CACNG2: variants seen among roughly 807,000 people sequenced by gnomAD.
CACNG2 encodes the protein voltage-dependent calcium channel gamma-2 subunit.
Under a neutral mutation model 25.9 loss-of-function variants are expected in CACNG2, and 3 were observed. The observed-to-expected ratio is 0.12, with a 90% CI of 0.05 to 0.30. The LOEUF is 0.30. Among genes scored for constraint, CACNG2 ranks in the 10% least tolerant of loss-of-function variants. CACNG2 has a pLI of 1.00. For synonymous variants in CACNG2, 167 were observed against 173.3 expected (o/e 0.96, Z 0.29); for missense variants, 341 against 432.5 (o/e 0.79, Z 1.88).
At chr22:36,583,181 G>A (rs902722792) in intron 2 of CACNG2, among the ~76,000 whole-genome samples, 4 of 143,402 alleles carry the variant, frequency 2.8e-5, no homozygotes, top group African/African-American at 5.2e-5. Context: ...ACACCTATTC[G>A]CAGCACTTTG....
chr22:36,623,984 C>T (rs1936145799), intron 1 of CACNG2, among the ~76,000 whole-genome samples: 1 of 152,110 alleles, frequency 6.6e-6, no homozygotes, highest in South Asian at 2.1e-4. Flanking sequence ...TCTTGAAGGG[C>T]CTTTTGGCTT....
chr22:36,635,586 A>G (rs1388083513), intron 1 of CACNG2, among the ~76,000 whole-genome samples: 2 of 152,262 alleles, frequency 1.3e-5, no homozygotes, highest in East Asian at 3.9e-4. Context: ...AAATCCCAGG[A>G]AACTGTAGCT....
Position 36,702,502 on chromosome 22 carries a change from G to A in CACNG2, c.75C>T (p.Thr25=), listed in dbSNP as rs765903646. The A allele has an allele frequency of 1.1e-5, 17 of 1,614,032 alleles. No individual in the cohort carries two copies. The South Asian group carries it at 1.1e-4, about 10-fold the overall frequency. The change falls in exon 1 of 4, where the codon ACC becomes ACT. Residue 25 remains threonine (T), a synonymous_variant. Transcript: ENST00000300105. ...GCCAATAGTCGGTTCCCACAGCTATGGTCATCAGGCTGAAGGCAGCGAAAG... is the reference window on the plus strand; with the variant it reads ...GCCAATAGTCGGTTCCCACAGCTATAGTCATCAGGCTGAAGGCAGCGAAAG... ...VGAFAAFSLM[T]IAVGTDYWLY...
intron 2 of CACNG2, among the ~76,000 whole-genome samples, chr22:36,571,457 A>C (rs1935222468): frequency 6.6e-6 from 1 of 151,868 alleles, no homozygotes; most frequent in Non-Finnish European, 1.5e-5. Flanking sequence ...GTTCCATCTC[A>C]GAAAAAAAGA....
intron 1 of CACNG2, among the ~76,000 whole-genome samples, chr22:36,593,662 C>T (rs1304767061): frequency 6.6e-6 from 1 of 152,034 alleles, no homozygotes; most frequent in Admixed American, 6.6e-5. Context: ...AGTTAGAGAT[C>T]CAGCCAGATC....
chr22:36,594,833 T>TAA (rs1935651935), intron 1 of CACNG2, among the ~76,000 whole-genome samples: 2 of 85,004 alleles, frequency 2.4e-5, no homozygotes, highest in African/African-American at 7.4e-5. Flanking sequence ...TGTACATCGG[T>TAA]GTGTGTGTGT....
intron 2 of CACNG2, among the ~76,000 whole-genome samples, chr22:36,579,636 C>T (rs1935380672): frequency 1.3e-5 from 2 of 152,100 alleles, no homozygotes; most frequent in African/African-American, 4.8e-5. Context: ...CCGTGGTGGT[C>T]TCATCTCAGA....
chr22:36,632,963 T>G (rs892623187), intron 1 of CACNG2, among the ~76,000 whole-genome samples: 1 of 152,138 alleles, frequency 6.6e-6, no homozygotes, highest in Non-Finnish European at 1.5e-5. Flanking sequence ...AATTCACGTC[T>G]CCAGCTCACC....
In CACNG2 at chr22:36,698,482, T is replaced by C. The variant is rs554502195; in HGVS notation, c.211+3884A>G. Among the ~76,000 whole-genome samples the C allele has an allele frequency of 1.6e-4, 25 of 152,266 alleles. No individual in the cohort carries two copies. In the South Asian group the frequency reaches 4.4e-3, roughly 27 times the overall value. The stretch of plus-strand genomic sequence containing the variant: ...AAATAAAAGATGAATCCTTTTTTTT[T>C]CCTGCAGAATAAGAGAGCCATGGCT... On this transcript the variant is annotated intron_variant, in intron 1 of 3. Transcript: ENST00000300105.
intron 1 of CACNG2, among the ~76,000 whole-genome samples, chr22:36,597,864 C>T (rs1287285171): frequency 6.6e-6 from 1 of 152,098 alleles, no homozygotes; most frequent in Admixed American, 6.5e-5. Context: ...GGTTGGGTAG[C>T]GAGGCTGTCA....
chr22:36,694,061 A>G (rs1937300711), intron 1 of CACNG2, among the ~76,000 whole-genome samples: 2 of 152,200 alleles, frequency 1.3e-5, no homozygotes, highest in Non-Finnish European at 1.5e-5. Flanking sequence ...TGGTAAGGCC[A>G]CATTCTGCTC....
Position 36,702,401 on chromosome 22 carries a change from G to A in CACNG2, c.176C>T (p.Thr59Ile), listed in dbSNP as rs1485120146. Reference sequence around the variant, plus strand: ...GCAGGTTCTCCATAATCCGGAATGGGTCATAACTTCCTCGTTCTTTTTGCT... The same window carrying A: ...GCAGGTTCTCCATAATCCGGAATGGATCATAACTTCCTCGTTCTTTTTGCT... Reference protein sequence around the residue: ...ETSKKNEEVMTHSGLWRTCCL... With the variant: ...ETSKKNEEVMIHSGLWRTCCL... Residue 59 changes from threonine to isoleucine, a missense_variant, in exon 1 of 4, where the codon ACC becomes ATC. This residue lies in a region of CACNG2 where 169 missense variants were observed against 254.4 expected (regional missense o/e 0.66). Coordinates refer to ENST00000300105, the MANE Select transcript of CACNG2 (RefSeq NM_006078.5). The A allele has an allele frequency of 2.9e-5, 47 of 1,613,930 alleles. No individual in the cohort carries two copies. The highest frequency in any genetic ancestry group is 3.7e-5 in the Non-Finnish European group (44 of 1,179,990).
intron 2 of CACNG2, among the ~76,000 whole-genome samples, chr22:36,576,149 T>C (rs919793817): frequency 2.0e-5 from 3 of 152,226 alleles, no homozygotes; most frequent in African/African-American, 7.2e-5. Flanking sequence ...TATCCATCAA[T>C]GAGTGGATAA....
intron 1 of CACNG2, among the ~76,000 whole-genome samples, chr22:36,693,546 C>T (rs550661822): frequency 9.8e-5 from 15 of 152,292 alleles, no homozygotes; most frequent in African/African-American, 3.6e-4. Flanking sequence ...GATGATCCTA[C>T]CTGGCTTCCT....
intron 1 of CACNG2, among the ~76,000 whole-genome samples, chr22:36,605,964 G>A (rs897331785): frequency 1.3e-5 from 2 of 152,192 alleles, no homozygotes; most frequent in African/African-American, 2.4e-5. Flanking sequence ...TGTGTCAACA[G>A]CCCTAAATTC....
chr22:36,628,876 T>G (rs1308372647), intron 1 of CACNG2, among the ~76,000 whole-genome samples: 1 of 152,146 alleles, frequency 6.6e-6, no homozygotes, highest in Admixed American at 6.5e-5. Flanking sequence ...AGGATCTGTT[T>G]TATGGTGCAC....
At position 36,650,224 on chromosome 22, in the gene CACNG2, A is replaced by G. The variant is rs115941589; in HGVS notation, c.211+52142T>C. Among the ~76,000 whole-genome samples the G allele has an allele frequency of 2.8e-3, 431 of 152,162 alleles. 3 individuals carry two copies. Among genetic ancestry groups the G allele is most frequent in the African/African-American group, 9.7e-3 (404 of 41,492 alleles). On this transcript the variant is annotated intron_variant, in intron 1 of 3. Transcript: ENST00000300105. ...AAAACCCTACAGGGACTCCCACCTT[A>G]CTCAGAGTCAAGGCTAACGTCCTCA... is the stretch of plus-strand genomic sequence containing the variant.
chr22:36,635,938 T>C (rs9622435), intron 1 of CACNG2, among the ~76,000 whole-genome samples: 8,157 of 152,308 alleles, frequency 0.054, 404 homozygotes, highest in African/African-American at 0.13. Flanking sequence ...TCTCTTTGTC[T>C]CTGCTGCTGC....
In CACNG2 at chr22:36,571,702, C is replaced by T. The variant is rs535627442; in HGVS notation, c.296-5209G>A. Among the ~76,000 whole-genome samples, 5 of 151,846 alleles carry T rather than the reference C, an allele frequency of 3.3e-5. No individual in the cohort carries two copies. The South Asian group carries it at 8.3e-4, about 25-fold the overall frequency. On this transcript the variant is annotated intron_variant, in intron 2 of 3. Transcript: ENST00000300105. ...GACCAGCCTAGCCAATATGATGAAA[C>T]CTCGTCTCTACCAAAAATAAAAAAA...
Sources: allele counts gnomAD v4.1 joint callset (sites outside exome capture counted in the v4.1 genomes callset), GRCh38; gene constraint gnomAD v4.1.1; regional missense constraint gnomAD v4.1.1; transcripts MANE v1.5; gene names NCBI Gene and HGNC (gene_info 2026-07-23, HGNC 2026-07-21).